CENPP: variants seen among roughly 807,000 people sequenced by gnomAD.
CENPP encodes centromere protein P.
Under a neutral mutation model 35.6 loss-of-function variants are expected in CENPP, and 24 were observed. The observed-to-expected ratio is 0.67, with a 90% CI of 0.49 to 0.95. CENPP has a LOEUF of 0.95. CENPP is among the 40% of genes least tolerant of loss of function. CENPP has a pLI of 0.00. For synonymous variants in CENPP, 120 were observed against 125.5 expected, an observed-to-expected ratio of 0.96 and a Z score of 0.29; for missense variants, 332 against 345.3, an observed-to-expected ratio of 0.96 and a Z score of 0.31.
chr9:92,339,422 A>G (rs538074855), intron 3 of CENPP, among the ~76,000 whole-genome samples: 12 of 152,214 alleles, frequency 7.9e-5, no homozygotes, highest in African/African-American at 2.9e-4. Context: ...TCTCTTTGCA[A>G]TCCAAGTCTC....
At chr9:92,560,853 C>T (rs10992367) in intron 5 of CENPP, among the ~76,000 whole-genome samples, 26,278 of 148,140 alleles carry the variant, frequency 0.18, 3,360 homozygotes, top group East Asian at 0.66. Context: ...TCTATGCAGC[C>T]TTCCTTTTTC....
chr9:92,398,260 GTTTATGTT>G (rs1842974296), intron 5 of CENPP, among the ~76,000 whole-genome samples: 1 of 152,078 alleles, frequency 6.6e-6, no homozygotes, highest in Non-Finnish European at 1.5e-5. Context: ...GCACAATCAA[GTTTATGTT>G]TTTATGTTTG....
At chr9:92,521,959 A>G (rs759804339) in intron 5 of CENPP, among the ~76,000 whole-genome samples, 3 of 152,260 alleles carry the variant, frequency 2.0e-5, no homozygotes, top group African/African-American at 4.8e-5. Flanking sequence ...CATACTGGAA[A>G]GAAACCAAAA....
chr9:92,581,326 C>T (rs571588893), intron 5 of CENPP, among the ~76,000 whole-genome samples: 3 of 152,016 alleles, frequency 2.0e-5, no homozygotes, highest in Admixed American at 2.0e-4. Context: ...TTCTATAAGA[C>T]ATACATTATA....
chr9:92,410,681 T>G (rs1262885669), intron 5 of CENPP, among the ~76,000 whole-genome samples: 2 of 152,218 alleles, frequency 1.3e-5, no homozygotes, highest in African/African-American at 4.8e-5. Flanking sequence ...TACTCTGTTT[T>G]GTGTGCCAGG....
At position 92,332,214 on chromosome 9, in the gene CENPP, A is replaced by G. The variant is rs1478932229; in HGVS notation, c.152A>G (p.Lys51Arg). 42 of 1,611,574 alleles carry G rather than the reference A, an allele frequency of 2.6e-5. No homozygotes were observed. Among genetic ancestry groups the G allele is most frequent in the Non-Finnish European group, 3.6e-5 (42 of 1,179,222 alleles). ...AIHQFNLEGWKSSKDLKNQLG... is the reference protein window; with the variant it reads ...AIHQFNLEGWRSSKDLKNQLG... ...CACCAATTCAATTTGGAAGGATGGA[A>G]GTCTTCAAAAGATCTGAAAAATCAG... Residue 51 changes from lysine to arginine, a missense_variant, in exon 2 of 8, where the codon AAG (lysine) becomes AGG (arginine). Transcript: ENST00000375587.
At chr9:92,515,960 G>T (rs1338035780) in intron 5 of CENPP, among the ~76,000 whole-genome samples, 1 of 152,058 alleles carries the variant, frequency 6.6e-6, no homozygotes, top group African/African-American at 2.4e-5. Context: ...TTTATATTTA[G>T]CTGTTAAGTC....
intron 5 of CENPP, among the ~76,000 whole-genome samples, chr9:92,449,437 CAAAAAAAAAAAAAAAAAAAAAAA>C (rs56218626): frequency 2.2e-4 from 12 of 54,960 alleles, no homozygotes; most frequent in South Asian, 1.8e-3. Flanking sequence ...ACTCTATCTC[CAAAAAAAAAAAAAAAAAAAAAAA>C]AAAAAAAAAA....
rs1243051446 is a variant in CENPP, at chr9:92,616,806, C to T, written c.*3657C>T. ...GTCCCGCTTTTCGTCTCCGGGCACTCAGCGCACAGCACTCAAGACACTGGC... is the reference window on the plus strand; with the variant it reads ...GTCCCGCTTTTCGTCTCCGGGCACTTAGCGCACAGCACTCAAGACACTGGC... On this transcript the variant is annotated 3_prime_UTR_variant, in exon 8 of 8. Transcript: ENST00000375587. 1 of 152,248 alleles carries T rather than the reference C, an allele frequency of 6.6e-6. No homozygotes were observed. The highest frequency in any genetic ancestry group is 1.9e-4 in the East Asian group (1 of 5,192). 9.4% of individuals were successfully genotyped at this position (152,248 alleles called of 1,614,324 possible). A position where few individuals can be genotyped will look rare whatever the true frequency, so the allele number is the denominator to read the frequency against.
intron 5 of CENPP, among the ~76,000 whole-genome samples, chr9:92,434,502 A>G (rs1345564117): frequency 2.0e-5 from 3 of 152,208 alleles, no homozygotes; most frequent in Admixed American, 2.0e-4. Context: ...AGGAAGATCT[A>G]AATAAACATA....
At chr9:92,508,156 T>A (rs879614932) in intron 5 of CENPP, among the ~76,000 whole-genome samples, 3 of 152,030 alleles carry the variant, frequency 2.0e-5, no homozygotes, top group Non-Finnish European at 4.4e-5. Flanking sequence ...AGCCTGACCA[T>A]CCACAGCATC....
chr9:92,523,027 A>G (rs1348895775), intron 5 of CENPP: 9 of 862,678 alleles, frequency 1.0e-5, no homozygotes, highest in East Asian at 8.5e-5. Flanking sequence ...ACTATATGCT[A>G]TAGTATTATT....
intron 4 of CENPP, among the ~76,000 whole-genome samples, chr9:92,364,690 G>A (rs1319560626): frequency 1.3e-5 from 2 of 152,136 alleles, no homozygotes; most frequent in Non-Finnish European, 2.9e-5. Context: ...AGCATATTAT[G>A]TACTTTGCAT....
At chr9:92,567,909 C>T (rs939080193) in intron 5 of CENPP, among the ~76,000 whole-genome samples, 6 of 151,476 alleles carry the variant, frequency 4.0e-5, no homozygotes, top group African/African-American at 1.5e-4. Context: ...CAAAAAAACA[C>T]AAAGGAAAAG....
chr9:92,474,669 A>G (rs1416541608), intron 5 of CENPP: 1 of 1,613,928 alleles, frequency 6.2e-7, no homozygotes, highest in East Asian at 2.2e-5. Context: ...TGACATCCAA[A>G]TGGACACATT....
chr9:92,613,827 C>T lies in CENPP; in HGVS notation c.*678C>T, dbSNP rs1851346661. On this transcript the variant is annotated 3_prime_UTR_variant, in exon 8 of 8. Coordinates refer to ENST00000375587, the MANE Select transcript of CENPP (RefSeq NM_001012267.3). ...CCCCTGCATAGCCTAAGTGCTATAT[C>T]GATCGTCCCGGATGTGCCTTAAGAA... is the stretch of plus-strand genomic sequence containing the variant. The T allele has an allele frequency of 6.5e-6, 1 of 152,754 alleles. No homozygotes were observed. The highest frequency in any genetic ancestry group is 6.5e-5 in the Admixed American group (1 of 15,380). 9.5% of individuals were successfully genotyped at this position (152,754 alleles called of 1,614,324 possible). A position where few individuals can be genotyped will look rare whatever the true frequency, so the allele number is the denominator to read the frequency against.
intron 5 of CENPP, among the ~76,000 whole-genome samples, chr9:92,575,823 G>GA (rs1203414978): frequency 6.6e-6 from 1 of 151,364 alleles, no homozygotes; most frequent in Non-Finnish European, 1.5e-5. Context: ...AAAAAAAAAA[G>GA]AATGTCTCCT....
intron 5 of CENPP, chr9:92,600,616 C>G (rs982342288): frequency 6.4e-7 from 1 of 1,557,282 alleles, no homozygotes; most frequent in Non-Finnish European, 8.7e-7. Context: ...AGAAAGACAG[C>G]GCAAGTCATG....
intron 5 of CENPP, among the ~76,000 whole-genome samples, chr9:92,438,678 TGTG>T (rs1332917220): frequency 1.3e-5 from 2 of 152,208 alleles, no homozygotes; most frequent in Admixed American, 1.3e-4. Context: ...TTTGACTGGG[TGTG>T]GTGGTTCTTG....
Sources: allele counts gnomAD v4.1 joint callset (sites outside exome capture counted in the v4.1 genomes callset), GRCh38; gene constraint gnomAD v4.1.1; transcripts MANE v1.5; gene names NCBI Gene and HGNC (gene_info 2026-07-23, HGNC 2026-07-21).